The following PLPPR5 variants were observed in gnomAD, a reference collection of about 807,000 sequenced individuals.
PLPPR5 encodes phospholipid phosphatase related 5, also known as phospholipid phosphatase-related protein type 5.
A neutral mutation model predicts 33.9 loss-of-function variants in PLPPR5; 16 were observed. The observed-to-expected ratio is 0.47, with a 90% CI of 0.32 to 0.72. The LOEUF is 0.72. Among genes scored for constraint, PLPPR5 ranks in the 30% least tolerant of loss-of-function variants. The probability of loss-of-function intolerance (pLI) is 0.03; values close to 1 mark genes in which losing one functional copy is unlikely to be tolerated. For missense variants in PLPPR5, 301 were observed against 406.7 expected, an observed-to-expected ratio of 0.74 and a Z score of 2.23; for synonymous variants, 163 against 150.3, an observed-to-expected ratio of 1.08 and a Z score of -0.62.
chr1:98,919,802 A>G (rs1267213166), intron 4 of PLPPR5, among the ~76,000 whole-genome samples: 1 of 152,196 alleles, frequency 6.6e-6, no homozygotes, highest in Non-Finnish European at 1.5e-5. Context: ...ACTGAGAGGA[A>G]GCAAACTATA....
chr1:98,919,797 G>A (rs1649480403), intron 4 of PLPPR5, among the ~76,000 whole-genome samples: 1 of 152,142 alleles, frequency 6.6e-6, no homozygotes, highest in African/African-American at 2.4e-5. Flanking sequence ...AAGGAACTGA[G>A]AGGAAGCAAA....
intron 5 of PLPPR5, among the ~76,000 whole-genome samples, chr1:98,904,797 T>A (rs1481505): frequency 0.71 from 108,222 of 151,966 alleles, 39,044 homozygotes; most frequent in East Asian, 0.8. Flanking sequence ...AAAGGAGAGG[T>A]ATCCGTGAAG....
chr1:98,933,195 A>T (rs12144270), intron 3 of PLPPR5, among the ~76,000 whole-genome samples: 68,920 of 145,258 alleles, frequency 0.47, 16,038 homozygotes, highest in African/African-American at 0.53. Context: ...GGGCTTTTTA[A>T]AAAAAAAAAA....
intron 3 of PLPPR5, among the ~76,000 whole-genome samples, chr1:98,927,465 T>G (rs1377057108): frequency 1.3e-5 from 2 of 152,206 alleles, no homozygotes; most frequent in Non-Finnish European, 2.9e-5. Flanking sequence ...TTGGTCCATC[T>G]AGGCTCACAG....
intron 1 of PLPPR5, among the ~76,000 whole-genome samples, chr1:98,990,672 A>G (rs1652421421): frequency 6.6e-6 from 1 of 152,170 alleles, no homozygotes; most frequent in Non-Finnish European, 1.5e-5. Context: ...ATTAGAAATC[A>G]GTGATGATTA....
chr1:99,001,358 A>G (rs1056813811), intron 1 of PLPPR5, among the ~76,000 whole-genome samples: 14 of 151,462 alleles, frequency 9.2e-5, no homozygotes, highest in African/African-American at 3.2e-4. Flanking sequence ...GATGGTCTTG[A>G]TCTCCTGACC....
At chr1:98,903,666 T>G (rs546444341) in intron 5 of PLPPR5, among the ~76,000 whole-genome samples, 2 of 152,144 alleles carry the variant, frequency 1.3e-5, no homozygotes, top group African/African-American at 4.8e-5. Context: ...AAAGAAATGA[T>G]TGTTGCGGGA....
intron 1 of PLPPR5, among the ~76,000 whole-genome samples, chr1:99,000,140 G>C (rs953175431): frequency 6.6e-6 from 1 of 152,156 alleles, no homozygotes; most frequent in African/African-American, 2.4e-5. Context: ...GCAATGTCCA[G>C]TGCTCTGGCA....
At chr1:98,982,745 C>A (rs921733929) in intron 1 of PLPPR5, among the ~76,000 whole-genome samples, 17 of 152,052 alleles carry the variant, frequency 1.1e-4, no homozygotes, top group Admixed American at 3.3e-4. Context: ...TCACTGCTGA[C>A]AACTCCAGAG....
At chr1:98,975,657 A>C (rs1338104036) in intron 1 of PLPPR5, among the ~76,000 whole-genome samples, 1 of 152,010 alleles carries the variant, frequency 6.6e-6, no homozygotes, top group African/African-American at 2.4e-5. Flanking sequence ...CCCTGATAGG[A>C]GTATTTACCT....
chr1:98,931,983 A>T (rs1649993200), intron 3 of PLPPR5, among the ~76,000 whole-genome samples: 1 of 152,172 alleles, frequency 6.6e-6, no homozygotes, highest in Admixed American at 6.5e-5. Context: ...CTGTTGGTTA[A>T]TTGGATGCGT....
Position 98,920,593 on chromosome 1 carries a change from C to CAAAA in PLPPR5, c.798+1285_798+1288dup, listed in dbSNP as rs763477562. Among the ~76,000 whole-genome samples, 4 of 69,014 alleles carry CAAAA rather than the reference C, an allele frequency of 5.8e-5. 1 individual carries two copies. The highest frequency in any genetic ancestry group is 9.3e-4 in the East Asian group (2 of 2,152). The allele number at this position is 69,014 out of a possible 152,430, so 45.3% of individuals were successfully genotyped here. ...TGGGAATCACAGAGAGTGGTATCAC[C>CAAAA]AAAAAAAAAAAAAAAAGCAGCACAG... On this transcript the variant is annotated intron_variant, in intron 4 of 5. Coordinates refer to ENST00000263177, the MANE Select transcript of PLPPR5 (RefSeq NM_001037317.2).
At chr1:99,001,063 A>G (rs1033324874) in intron 1 of PLPPR5, among the ~76,000 whole-genome samples, 1 of 152,132 alleles carries the variant, frequency 6.6e-6, no homozygotes, top group Non-Finnish European at 1.5e-5. Context: ...AACCTTGTCA[A>G]TAAGGGAATT....
At chr1:98,909,777 T>C (rs1649053021) in intron 5 of PLPPR5, among the ~76,000 whole-genome samples, 1 of 152,150 alleles carries the variant, frequency 6.6e-6, no homozygotes, top group African/African-American at 2.4e-5. Context: ...TCATATATAT[T>C]TTAGCTTATA....
chr1:99,003,914 T>C (rs1018116036), intron 1 of PLPPR5, among the ~76,000 whole-genome samples: 7 of 152,190 alleles, frequency 4.6e-5, no homozygotes, highest in African/African-American at 1.7e-4. Context: ...CTTAGTCCCA[T>C]TGGCACTTTC....
intron 1 of PLPPR5, among the ~76,000 whole-genome samples, chr1:98,985,635 T>A (rs1368763799): frequency 6.6e-6 from 1 of 151,928 alleles, no homozygotes; most frequent in Non-Finnish European, 1.5e-5. Flanking sequence ...CCTATACAGG[T>A]GTACCATTTT....
At chr1:99,005,433 A>T (rs1653052848), upstream of PLPPR5, among the ~76,000 whole-genome samples, 1 of 152,100 alleles carries the variant, frequency 6.6e-6, no homozygotes, top group Non-Finnish European at 1.5e-5. Flanking sequence ...AATCTCAGCG[A>T]GGTTTCTTTG....
chr1:99,003,318 A>C (rs1407230537), intron 1 of PLPPR5, among the ~76,000 whole-genome samples: 1 of 151,702 alleles, frequency 6.6e-6, no homozygotes, highest in Non-Finnish European at 1.5e-5. Context: ...GAACATCCAA[A>C]CTTAATGGAT....
At chr1:98,903,170 T>G (rs1260834291) in intron 5 of PLPPR5, among the ~76,000 whole-genome samples, 1 of 152,156 alleles carries the variant, frequency 6.6e-6, no homozygotes, top group African/African-American at 2.4e-5. Context: ...CAGTATAGCA[T>G]GTAAATATTG....
Sources: allele counts gnomAD v4.1 joint callset (sites outside exome capture counted in the v4.1 genomes callset), GRCh38; gene constraint gnomAD v4.1.1; transcripts MANE v1.5; gene names NCBI Gene and HGNC (gene_info 2026-07-23, HGNC 2026-07-21).